Variants in KMT2A observed in about 807,000 individuals in gnomAD.
KMT2A encodes the protein histone-lysine N-methyltransferase 2A.
A neutral mutation model predicts 345.3 loss-of-function variants in KMT2A; 16 were observed. That is an observed-to-expected ratio of 0.05 (90% CI 0.03 to 0.07). The LOEUF (loss-of-function observed/expected upper bound fraction) is 0.07, where lower values mean the gene tolerates loss of function less well. Among genes scored for constraint, KMT2A ranks in the 10% least tolerant of loss-of-function variants. The pLI, the probability that KMT2A is intolerant of heterozygous loss-of-function variation, is 1.00. For synonymous variants in KMT2A, 1,599 were observed against 1,778.6 expected (o/e 0.90, Z 2.54); for missense variants, 3,272 against 4,841.6 (o/e 0.68, Z 9.62).
intron 5 of KMT2A, among the ~76,000 whole-genome samples, chr11:118,478,975 A>G (rs1359682769): frequency 6.6e-6 from 1 of 152,178 alleles, no homozygotes; most frequent in East Asian, 1.9e-4. Flanking sequence ...ATGGGTACAT[A>G]GTAGGTATAT....
rs781871135 is a variant in KMT2A at position 118,472,358 on chromosome 11, A to C, written c.1199A>C (p.Lys400Thr). The C allele has an allele frequency of 1.9e-6, 3 of 1,613,990 alleles. No individual in the cohort carries two copies. Among genetic ancestry groups the C allele is most frequent in the Non-Finnish European group, 2.5e-6 (3 of 1,180,028 alleles). ...EAAQLQGRKVKTQVKNIRQFI... is the reference protein window; with the variant it reads ...EAAQLQGRKVTTQVKNIRQFI... ...GCTCAGCTGCAGGGAAGAAAGGTGAAGACACAGGTCAAAAATATTCGACAG... is the reference window on the plus strand; with the variant it reads ...GCTCAGCTGCAGGGAAGAAAGGTGACGACACAGGTCAAAAATATTCGACAG... The change falls in exon 3 of 36, where the codon AAG becomes ACG. Residue 400 changes from lysine to threonine, a missense_variant. By Grantham distance (78) the Lys-to-Thr change is moderately conservative (BLOSUM62 -1). Transcript: ENST00000534358.
At chr11:118,460,203 A>G (rs1555032191) in intron 1 of KMT2A, among the ~76,000 whole-genome samples, 1 of 152,214 alleles carries the variant, frequency 6.6e-6, no homozygotes, top group Admixed American at 6.5e-5. Context: ...ATACTGAGGA[A>G]TGGAGATATA....
chr11:118,445,919 G>A (rs61900940), intron 1 of KMT2A, among the ~76,000 whole-genome samples: 3 of 152,000 alleles, frequency 2.0e-5, no homozygotes, highest in African/African-American at 4.8e-5. Context: ...CAGGAGAATC[G>A]CCTGAACCCA....
Position 118,498,228 on chromosome 11 carries a change from A to G in KMT2A, c.5803-142A>G. 8.6e-7 allele frequency: 1 copy of G among 1,164,028 alleles called. No individual in the cohort carries two copies. Among genetic ancestry groups the G allele is most frequent in the East Asian group, 2.4e-5 (1 of 42,492 alleles). The allele number at this position is 1,164,028 out of a possible 1,614,324, so 72.1% of individuals were successfully genotyped here. ...TATACATAATTCAACAGATAAAATG[A>G]TAAATTTTATCTGTTTTCAATTTAT... On this transcript the variant is annotated intron_variant, in intron 21 of 35. Transcript: ENST00000534358. This position sits in a 1 kb window ranked among gnomAD's most constrained non-coding sequence, Gnocchi z 4.4.
rs1021100235 is a variant in KMT2A at position 118,489,943 on chromosome 11, T to A, written c.4575+56T>A. The A allele has an allele frequency of 4.6e-6, 7 of 1,517,522 alleles. No homozygotes were observed. The Admixed American group carries it at 1.0e-4, about 22-fold the overall frequency. 94.0% of individuals were successfully genotyped at this position (1,517,522 alleles called of 1,614,324 possible). Reference sequence around the variant, plus strand: ...AGAACCACCATGTGACTATTGGACTTATGTAACTTGTATTACAAATATCTA... The same window carrying A: ...AGAACCACCATGTGACTATTGGACTAATGTAACTTGTATTACAAATATCTA... On this transcript the variant is annotated intron_variant, in intron 12 of 35. Coordinates refer to ENST00000534358, the MANE Select transcript of KMT2A (RefSeq NM_001197104.2).
chr11:118,506,473 G>T lies in KMT2A; in HGVS notation c.10581G>T (p.Arg3527=), dbSNP rs781989300. The change falls in exon 27 of 36, where the codon CGG becomes CGT. Residue 3527 remains arginine (R), a synonymous_variant. Transcript: ENST00000534358. ...GSPSSPSSGQ[R]SASPSVPGPT... ...CATCCTCTCCATCTTCTGGACAGCG[G>T]TCAGCAAGCCCTTCAGTGCCGGGTC... 1.2e-6 allele frequency: 2 copies of T among 1,614,196 alleles called. No homozygotes were observed. Among genetic ancestry groups the T allele is most frequent in the Admixed American group, 3.3e-5 (2 of 60,014 alleles).
intron 24 of KMT2A, 111 bp downstream of exon 24, chr11:118,500,024 TA>T: frequency 3.0e-6 from 2 of 677,298 alleles, no homozygotes; most frequent in Non-Finnish European, 5.2e-6. Context: ...AAACTGCTAC[TA>T]AAAATTAATC....
chr11:118,472,749 G>T lies in KMT2A; in HGVS notation c.1590G>T (p.Arg530Ser). 6.2e-7 allele frequency: 1 copy of T among 1,613,624 alleles called. No individual in the cohort carries two copies. Among genetic ancestry groups the T allele is most frequent in the South Asian group, 1.1e-5 (1 of 91,044 alleles). Residue 530 changes from arginine (R) to serine (S), a missense_variant, in exon 3 of 36, where the codon AGG becomes AGT. Arg to Ser is a moderately radical substitution (Grantham distance 110). Coordinates refer to ENST00000534358, the MANE Select transcript of KMT2A (RefSeq NM_001197104.2). ...AGAGTAATGATAGGAGAAGCAGAAG[G>T]TATTCAGTGTCGGAGAGAAGTTTTG... ...ENESNDRRSRRYSVSERSFGS... is the reference protein window; with the variant it reads ...ENESNDRRSRSYSVSERSFGS...
chr11:118,517,869 A>G (rs185585437), intron 31 of KMT2A, among the ~76,000 whole-genome samples: 4 of 152,160 alleles, frequency 2.6e-5, no homozygotes, highest in Non-Finnish European at 4.4e-5. Context: ...ATCTAGAGAC[A>G]ACATTCTTTT....
Position 118,491,157 on chromosome 11 carries a change from T to A in KMT2A, c.4697-39T>A. On this transcript the variant is annotated intron_variant, in intron 13 of 35. Coordinates refer to ENST00000534358, the MANE Select transcript of KMT2A (RefSeq NM_001197104.2). This position sits in a 1 kb window ranked among gnomAD's most constrained non-coding sequence, Gnocchi z 4.2. ...CGAGGGCCGTAAAAACACGGGTATGTGAGCCAAAGCACTGCTGTAAACTTT... is the reference window on the plus strand; with the variant it reads ...CGAGGGCCGTAAAAACACGGGTATGAGAGCCAAAGCACTGCTGTAAACTTT... 1 of 1,604,798 alleles carries A rather than the reference T, an allele frequency of 6.2e-7. No individual in the cohort carries two copies. The highest frequency in any genetic ancestry group is 8.5e-7 in the Non-Finnish European group (1 of 1,176,008).
Position 118,521,823 on chromosome 11 carries a change from G to A in KMT2A, c.11644-74G>A. On this transcript the variant is annotated intron_variant, in intron 35 of 35. Coordinates refer to ENST00000534358, the MANE Select transcript of KMT2A (RefSeq NM_001197104.2). The surrounding 1 kb of genome is among the most constrained non-coding windows in gnomAD (Gnocchi z 5.3). ...TCAGCCGCTATAGGTAACATCAAGAGAAGATTGGGACATGTTCTTAAAGCT... is the reference window on the plus strand; with the variant it reads ...TCAGCCGCTATAGGTAACATCAAGAAAAGATTGGGACATGTTCTTAAAGCT... 2 of 1,490,306 alleles carry A rather than the reference G, an allele frequency of 1.3e-6. No homozygotes were observed. Among genetic ancestry groups the A allele is most frequent in the Non-Finnish European group, 1.8e-6 (2 of 1,084,256 alleles). 92.3% of individuals were successfully genotyped at this position (1,490,306 alleles called of 1,614,324 possible). A position where few individuals can be genotyped will look rare whatever the true frequency, so the allele number is the denominator to read the frequency against.
Position 118,493,264 on chromosome 11 carries a change from G to A in KMT2A, c.5178+34G>A, listed in dbSNP as rs782561971. ...CTACAGTGAGCCATCAGAATTTCTA[G>A]TGCCAATAAAGCTTCTTTGGACCTT... On this transcript the variant is annotated intron_variant, in intron 16 of 35. Transcript: ENST00000534358. This position sits in a 1 kb window ranked among gnomAD's most constrained non-coding sequence, Gnocchi z 5.8. The A allele has an allele frequency of 8.8e-6, 14 of 1,586,330 alleles. No individual in the cohort carries two copies.
chr11:118,509,692 A>G (rs189629718), intron 29 of KMT2A, among the ~76,000 whole-genome samples: 95 of 152,312 alleles, frequency 6.2e-4, no homozygotes, highest in Non-Finnish European at 1.1e-3. Context: ...TTGAAAAACT[A>G]TCAGATCGTC....
At position 118,495,779 on chromosome 11, in the gene KMT2A, A is replaced by C. The variant is rs782761989; in HGVS notation, c.5443A>C (p.Ser1815Arg). ...TCAGTGGCAGGAGCGAGAGGAAAACAGCCACACTGAGCAGCCTCCTTTAAT... is the reference window on the plus strand; with the variant it reads ...TCAGTGGCAGGAGCGAGAGGAAAACCGCCACACTGAGCAGCCTCCTTTAAT... The part of the protein sequence containing the change: ...YAQWQEREEN[S>R]HTEQPPLMKK... The change falls in exon 19 of 36, where the codon AGC (serine) becomes CGC (arginine). Residue 1815 changes from serine (S) to arginine (R), a missense_variant. Coordinates refer to ENST00000534358, the MANE Select transcript of KMT2A (RefSeq NM_001197104.2). The surrounding 1 kb of genome is among the most constrained non-coding windows in gnomAD (Gnocchi z 4.1). The C allele has an allele frequency of 6.2e-7, 1 of 1,614,126 alleles. No homozygotes were observed. The highest frequency in any genetic ancestry group is 8.5e-7 in the Non-Finnish European group (1 of 1,179,972).
chr11:118,507,604 T>C lies in KMT2A; in HGVS notation c.10830T>C (p.Pro3610=). 1.9e-6 allele frequency: 3 copies of C among 1,612,832 alleles called. No homozygotes were observed. Among genetic ancestry groups the C allele is most frequent in the Non-Finnish European group, 2.5e-6 (3 of 1,178,838 alleles). The change falls in exon 28 of 36, where the codon CCT becomes CCC. Residue 3610 remains proline (P), a synonymous_variant. Coordinates refer to ENST00000534358, the MANE Select transcript of KMT2A (RefSeq NM_001197104.2). ...CCTCCCAGAAGGAGTGTGGGCAACC[T>C]GCAGGGTAAGCTGAAGAATTCGTCT... The part of the protein sequence containing the change: ...EQSSQKECGQ[P]AGQVAVLPEV...
chr11:118,498,782 A>G lies in KMT2A; in HGVS notation c.5961+254A>G, dbSNP rs1950451605. ...TCAGCATTCACTCTTGGTGTTGTAC[A>G]TTCTGTGGGTTTGGACAAATGTATA... On this transcript the variant is annotated intron_variant, in intron 22 of 35. Transcript: ENST00000534358. The surrounding 1 kb of genome is among the most constrained non-coding windows in gnomAD (Gnocchi z 4.4). 6.6e-6 allele frequency among the ~76,000 whole-genome samples: 1 copy of G among 152,130 alleles called. No individual in the cohort carries two copies. The highest frequency in any genetic ancestry group is 2.4e-5 in the African/African-American group (1 of 41,420).
chr11:118,496,223 G>A lies in KMT2A; in HGVS notation c.5558-38G>A. 7.0e-7 allele frequency: 1 copy of A among 1,423,216 alleles called. No individual in the cohort carries two copies. The highest frequency in any genetic ancestry group is 2.3e-5 in the East Asian group (1 of 43,946). 88.2% of individuals were successfully genotyped at this position (1,423,216 alleles called of 1,614,324 possible). ...GACATAGTATTGCCAATTTTAACTG[G>A]ATCTCAAGGTATTGATGGGAGTCTT... On this transcript the variant is annotated intron_variant, in intron 19 of 35. Transcript: ENST00000534358. This position sits in a 1 kb window ranked among gnomAD's most constrained non-coding sequence, Gnocchi z 4.7.
chr11:118,498,127 A>G lies in KMT2A; in HGVS notation c.5802+54A>G. Reference sequence around the variant, plus strand: ...AGAGATTCCCTCTCAGTTTCCAGATATTCTTCCTGTGGGTGAATATGGCCT... The same window carrying G: ...AGAGATTCCCTCTCAGTTTCCAGATGTTCTTCCTGTGGGTGAATATGGCCT... On this transcript the variant is annotated intron_variant, in intron 21 of 35. Transcript: ENST00000534358. This position sits in a 1 kb window ranked among gnomAD's most constrained non-coding sequence, Gnocchi z 4.4. 6.3e-7 allele frequency: 1 copy of G among 1,591,660 alleles called. No individual in the cohort carries two copies. The highest frequency in any genetic ancestry group is 8.6e-7 in the Non-Finnish European group (1 of 1,162,642).
chr11:118,474,357 G>A, intron 3 of KMT2A, 42 bp downstream of exon 3: 1 of 1,581,890 alleles, frequency 6.3e-7, no homozygotes. Flanking sequence ...ACAGTTTATT[G>A]AGCCCTTTCT....
Sources: gnomAD v4.1 joint callset for allele counts (sites outside exome capture counted in the v4.1 genomes callset) on GRCh38, gnomAD v4.1.1 for gene constraint, Gnocchi (gnomAD v3.1) non-coding constraint, MANE v1.5 for transcripts, NCBI Gene and HGNC (gene_info 2026-07-23, HGNC 2026-07-21) for gene names.